ASAP1: variants seen among roughly 807,000 people sequenced by gnomAD.
ASAP1 encodes the protein arf-GAP with SH3 domain, ANK repeat and PH domain-containing protein 1.
ASAP1 carries 43 observed loss-of-function variants against 145.2 expected under a neutral mutation model. The observed-to-expected ratio is 0.30, with a 90% CI of 0.23 to 0.38. ASAP1 has a LOEUF of 0.38. Ranked by LOEUF, ASAP1 falls within the 10% of genes least tolerant of loss-of-function variation. ASAP1 has a pLI of 1.00. For synonymous variants in ASAP1, 546 were observed against 515.5 expected (o/e 1.06, Z -0.80); for missense variants, 1,018 against 1,355.3 (o/e 0.75, Z 3.91).
chr8:130,214,713 AAAG>A lies in ASAP1; in HGVS notation c.260-15_260-13del, dbSNP rs750795397. On this transcript the variant is annotated splice_polypyrimidine_tract_variant and intron_variant, in intron 4 of 29. Transcript: ENST00000518721. ...ATTTTGTACATGATCTAAAAACAAAAAAGAAGAAGAAAGGAGTCTGAACTATTA... is the reference window on the plus strand; with the variant it reads ...ATTTTGTACATGATCTAAAAACAAAAAAGAAGAAAGGAGTCTGAACTATTA... The A allele has an allele frequency of 4.3e-5, 67 of 1,570,598 alleles. No individual in the cohort carries two copies. Among genetic ancestry groups the A allele is most frequent in the African/African-American group, 8.3e-5 (6 of 72,496 alleles).
chr8:130,221,591 T>C (rs1817297713), intron 4 of ASAP1, among the ~76,000 whole-genome samples: 1 of 152,228 alleles, frequency 6.6e-6, no homozygotes, highest in African/African-American at 2.4e-5. Context: ...TTTGCTAAAA[T>C]GGTATATAAG....
chr8:130,401,001 C>T lies in ASAP1; in HGVS notation c.59+884G>A, dbSNP rs188398747. On this transcript the variant is annotated intron_variant, in intron 2 of 29. Transcript: ENST00000518721. ...GTTCAAGTGATTCTCCCTCCTCAGCCTCCCGAGTAGCTGGGATTACAGGCG... is the reference window on the plus strand; with the variant it reads ...GTTCAAGTGATTCTCCCTCCTCAGCTTCCCGAGTAGCTGGGATTACAGGCG... 2.5e-4 allele frequency among the ~76,000 whole-genome samples: 38 copies of T among 152,086 alleles called. No homozygotes were observed. The East Asian group carries it at 7.3e-3, about 29-fold the overall frequency.
chr8:130,355,230 T>C (rs1826234809), intron 3 of ASAP1, among the ~76,000 whole-genome samples: 1 of 152,188 alleles, frequency 6.6e-6, no homozygotes, highest in African/African-American at 2.4e-5. Context: ...CACAGAGATT[T>C]AACTAAAAGC....
intron 5 of ASAP1, among the ~76,000 whole-genome samples, chr8:130,197,042 C>T (rs1054113889): frequency 2.0e-5 from 3 of 152,232 alleles, no homozygotes; most frequent in African/African-American, 7.2e-5. Flanking sequence ...TCATCACTCC[C>T]GGCCTGCGTG....
At chr8:130,073,914 A>G (rs1040429802) in intron 27 of ASAP1, among the ~76,000 whole-genome samples, 7 of 152,318 alleles carry the variant, frequency 4.6e-5, no homozygotes, top group Middle Eastern at 3.4e-3. Flanking sequence ...AGGAAATATG[A>G]CAGGCAGGGG....
At chr8:130,319,851 A>C (rs1823892514) in intron 3 of ASAP1, among the ~76,000 whole-genome samples, 1 of 152,254 alleles carries the variant, frequency 6.6e-6, no homozygotes, top group Non-Finnish European at 1.5e-5. Context: ...TGACATGACA[A>C]AAAAACTTTC....
chr8:130,191,965 GAAC>G (rs1201057348), intron 5 of ASAP1, among the ~76,000 whole-genome samples: 1 of 151,962 alleles, frequency 6.6e-6, no homozygotes, highest in Non-Finnish European at 1.5e-5. Flanking sequence ...TACTCTCCCT[GAAC>G]AACAACTAAT....
At chr8:130,117,033 CT>C (rs775316793) in intron 20 of ASAP1, 38 bp from the exon 21 acceptor site, 3 of 1,465,548 alleles carry the variant, frequency 2.0e-6, no homozygotes, top group Admixed American at 1.9e-5. Flanking sequence ...AAATGACTTA[CT>C]TTATAACTTA....
intron 13 of ASAP1, 62 bp downstream of exon 13, chr8:130,152,674 G>A: frequency 4.2e-6 from 5 of 1,196,506 alleles, no homozygotes; most frequent in Non-Finnish European, 6.0e-6. Context: ...TTTTACTGCT[G>A]AGTACATAAT....
At chr8:130,059,463 C>A (rs1435380813) in intron 28 of ASAP1, among the ~76,000 whole-genome samples, 2 of 152,002 alleles carry the variant, frequency 1.3e-5, no homozygotes, top group African/African-American at 2.4e-5. Context: ...CTGCACCCAG[C>A]CCCATTTTAA....
chr8:130,242,070 AG>A (rs1818560534), intron 3 of ASAP1, among the ~76,000 whole-genome samples: 2 of 151,926 alleles, frequency 1.3e-5, no homozygotes, highest in Non-Finnish European at 2.9e-5. Flanking sequence ...CCTACCATCT[AG>A]GAGTGCTCTG....
intron 12 of ASAP1, among the ~76,000 whole-genome samples, chr8:130,153,139 C>A (rs1294515642): frequency 2.6e-5 from 4 of 151,320 alleles, no homozygotes; most frequent in Admixed American, 6.6e-5. Context: ...CCTGCCTCAG[C>A]CTCCCGAGCA....
Position 130,118,262 on chromosome 8 carries a change from A to G in ASAP1, c.1795-16T>C. 1 of 1,612,000 alleles carries G rather than the reference A, an allele frequency of 6.2e-7. No individual in the cohort carries two copies. Among genetic ancestry groups the G allele is most frequent in the South Asian group, 1.1e-5 (1 of 90,890 alleles). Reference sequence around the variant, plus strand: ...CCCCAAGCTCCTAAAAAGGGAAAGAAAAGTATAAGTAAGTCAATAATATGC... The same window carrying G: ...CCCCAAGCTCCTAAAAAGGGAAAGAGAAGTATAAGTAAGTCAATAATATGC... On this transcript the variant is annotated splice_polypyrimidine_tract_variant and intron_variant, in intron 19 of 29. Coordinates refer to ENST00000518721, the MANE Select transcript of ASAP1 (RefSeq NM_018482.4).
At chr8:130,123,146 G>A (rs1223507106) in intron 18 of ASAP1, among the ~76,000 whole-genome samples, 1 of 152,054 alleles carries the variant, frequency 6.6e-6, no homozygotes, top group Non-Finnish European at 1.5e-5. Context: ...ATGGATACTT[G>A]TTTTGTTCCT....
At chr8:130,163,872 A>T (rs1264830908) in intron 11 of ASAP1, among the ~76,000 whole-genome samples, 2 of 152,254 alleles carry the variant, frequency 1.3e-5, no homozygotes, top group Non-Finnish European at 2.9e-5. Flanking sequence ...GTATAGACAA[A>T]TCACTTTCTT....
chr8:130,102,643 AT>A (rs1457268479), intron 24 of ASAP1, among the ~76,000 whole-genome samples: 2 of 152,178 alleles, frequency 1.3e-5, no homozygotes, highest in East Asian at 3.9e-4. Flanking sequence ...TTTGTCTTCA[AT>A]TTTTTTGGAA....
intron 3 of ASAP1, among the ~76,000 whole-genome samples, chr8:130,304,401 A>G (rs561047294): frequency 6.6e-6 from 1 of 152,136 alleles, no homozygotes; most frequent in Non-Finnish European, 1.5e-5. Context: ...TTCCCCCCTC[A>G]ATTGTTCTCT....
intron 3 of ASAP1, among the ~76,000 whole-genome samples, chr8:130,242,796 T>A (rs1177653450): frequency 6.6e-6 from 1 of 152,118 alleles, no homozygotes; most frequent in Non-Finnish European, 1.5e-5. Flanking sequence ...GAAGAAAGAA[T>A]TGACAATGAA....
intron 4 of ASAP1, among the ~76,000 whole-genome samples, chr8:130,232,117 A>G (rs1162106438): frequency 1.3e-5 from 2 of 152,220 alleles, no homozygotes; most frequent in Admixed American, 1.3e-4. Context: ...AAAGAACAGA[A>G]GGACGAGGTT....
Sources: allele counts gnomAD v4.1 joint callset (sites outside exome capture counted in the v4.1 genomes callset), GRCh38; gene constraint gnomAD v4.1.1; transcripts MANE v1.5; gene names NCBI Gene and HGNC (gene_info 2026-07-23, HGNC 2026-07-21).